The following ABCB11 variants were observed in gnomAD, a reference collection of about 807,000 sequenced individuals.
ABCB11 encodes the protein ATP binding cassette subfamily B member 11, also known as bile salt export pump.
A neutral mutation model predicts 148.0 loss-of-function variants in ABCB11; 95 were observed. The ratio of observed to expected loss-of-function variants is 0.64; its 90% CI spans 0.54 to 0.76. The LOEUF is 0.76. ABCB11 is among the 30% of genes least tolerant of loss of function. ABCB11 has a pLI of 0.00. For missense variants in ABCB11, 1,523 were observed against 1,617.8 expected (o/e 0.94, Z 1.01); for synonymous variants, 591 against 555.4 (o/e 1.06, Z -0.90).
rs2105935266 is a variant in ABCB11, at chr2:168,958,132, G to C, written c.2179-4C>G. 1 of 1,610,320 alleles carries C rather than the reference G, an allele frequency of 6.2e-7. No individual in the cohort carries two copies. Among genetic ancestry groups the C allele is most frequent in the Non-Finnish European group, 8.5e-7 (1 of 1,177,670 alleles). ...CCTGCACAGGAATGTCCTTGTCCTT[G>C]AGCAGAGAGAGGGTTATATTAATCA... is the stretch of plus-strand genomic sequence containing the variant. On this transcript the variant is annotated splice_region_variant and splice_polypyrimidine_tract_variant and intron_variant, in intron 18 of 27. Transcript: ENST00000650372.
chr2:168,933,266 A>C (rs1465891799), intron 23 of ABCB11, among the ~76,000 whole-genome samples: 1 of 152,176 alleles, frequency 6.6e-6, no homozygotes, highest in African/African-American at 2.4e-5. Flanking sequence ...ATAAAAGATA[A>C]TGATTGATGA....
chr2:168,979,034 G>A (rs1694036454), intron 11 of ABCB11, among the ~76,000 whole-genome samples: 1 of 152,120 alleles, frequency 6.6e-6, no homozygotes, highest in African/African-American at 2.4e-5. Flanking sequence ...CTTGGATTTT[G>A]ACTCCCTAGC....
intron 19 of ABCB11, among the ~76,000 whole-genome samples, chr2:168,955,140 C>G (rs1692734925): frequency 6.6e-6 from 1 of 151,572 alleles, no homozygotes; most frequent in Non-Finnish European, 1.5e-5. Flanking sequence ...GTAAATTTCT[C>G]ATTCATATCC....
intron 12 of ABCB11, 136 bp downstream of exon 12, chr2:168,976,441 C>T (rs1193387139): frequency 1.9e-6 from 1 of 530,808 alleles, no homozygotes; most frequent in Non-Finnish European, 3.4e-6. Context: ...CCCGAGGATA[C>T]TTTCAGAGAA....
chr2:169,028,024 CT>C (rs1376421867), intron 1 of ABCB11, among the ~76,000 whole-genome samples: 5 of 152,088 alleles, frequency 3.3e-5, no homozygotes, highest in Non-Finnish European at 5.9e-5. Flanking sequence ...CAGTCATACC[CT>C]TTCATTTTCT....
intron 19 of ABCB11, among the ~76,000 whole-genome samples, chr2:168,945,626 G>GA (rs1356575632): frequency 6.6e-6 from 1 of 150,518 alleles, no homozygotes; most frequent in African/African-American, 2.4e-5. Context: ...AGCAAAGAGG[G>GA]AGGGAAGGAG....
intron 11 of ABCB11, among the ~76,000 whole-genome samples, chr2:168,976,966 G>A (rs1351301373): frequency 6.7e-6 from 1 of 149,890 alleles, no homozygotes; most frequent in Non-Finnish European, 1.5e-5. Flanking sequence ...TAATAATAGT[G>A]AGAATAATCA....
At chr2:169,029,335 G>T (rs1024311895) in intron 1 of ABCB11, among the ~76,000 whole-genome samples, 1 of 151,564 alleles carries the variant, frequency 6.6e-6, no homozygotes, top group African/African-American at 2.4e-5. Flanking sequence ...AATGTAGGTA[G>T]GATACTTTTG....
chr2:168,978,666 T>C (rs1001616902), intron 11 of ABCB11, among the ~76,000 whole-genome samples: 7 of 152,012 alleles, frequency 4.6e-5, no homozygotes, highest in Non-Finnish European at 7.4e-5. Flanking sequence ...GCATTTTTTT[T>C]TTTTAAAGAG....
intron 4 of ABCB11, 36 bp downstream of exon 4, chr2:169,014,267 C>T (rs1396730029): frequency 6.3e-7 from 1 of 1,591,148 alleles, no homozygotes; most frequent in Non-Finnish European, 8.6e-7. Context: ...TTTATAGCTG[C>T]ACACCCACTG....
chr2:169,018,222 C>T (rs897932828), intron 1 of ABCB11, 70 bp from the exon 2 acceptor site: 95 of 1,389,934 alleles, frequency 6.8e-5, no homozygotes, highest in East Asian at 3.9e-4. Context: ...AGTAGCCAAA[C>T]GAAAGAACAA....
chr2:168,947,345 T>A (rs1019857841), intron 19 of ABCB11, among the ~76,000 whole-genome samples: 2 of 97,764 alleles, frequency 2.0e-5, no homozygotes, highest in South Asian at 1.2e-3. Flanking sequence ...GACTCTCACA[T>A]CCATTTTTTT....
At chr2:168,963,736 T>C (rs1450423061) in intron 18 of ABCB11, among the ~76,000 whole-genome samples, 1 of 151,822 alleles carries the variant, frequency 6.6e-6, no homozygotes, top group Non-Finnish European at 1.5e-5. Flanking sequence ...ATTCAAATAT[T>C]TTGATAACTT....
chr2:168,963,127 A>G (rs1341434823), intron 18 of ABCB11, among the ~76,000 whole-genome samples: 1 of 151,786 alleles, frequency 6.6e-6, no homozygotes, highest in South Asian at 2.1e-4. Flanking sequence ...TTGAAATTAT[A>G]TCATGCATAA....
chr2:168,957,825 A>G, intron 19 of ABCB11, 139 bp downstream of exon 19: 2 of 829,218 alleles, frequency 2.4e-6, no homozygotes, highest in Non-Finnish European at 3.4e-6. Flanking sequence ...ATGGAGGCTT[A>G]GGAAATTTTT....
intron 16 of ABCB11, among the ~76,000 whole-genome samples, chr2:168,969,137 GGA>G (rs1558893808): frequency 6.6e-6 from 1 of 151,112 alleles, no homozygotes; most frequent in African/African-American, 2.4e-5. Context: ...AAAAAGGGGG[GGA>G]TGGAATTGAA....
chr2:168,954,217 T>G (rs1282641998), intron 19 of ABCB11, among the ~76,000 whole-genome samples: 1 of 108,404 alleles, frequency 9.2e-6, no homozygotes, highest in African/African-American at 3.2e-5. Context: ...ATTGTTTCCC[T>G]CTTTTTCTGT....
rs1054071749 is a variant in ABCB11, at chr2:169,025,432, G to A, written c.-28+5793C>T. On this transcript the variant is annotated intron_variant, in intron 1 of 27. Transcript: ENST00000650372. ...GAAATGAAACTGTATCTCTACAGCAGCCAGCAAAAGGGAGATAGCAGCTGA... is the reference window on the plus strand; with the variant it reads ...GAAATGAAACTGTATCTCTACAGCAACCAGCAAAAGGGAGATAGCAGCTGA... Among the ~76,000 whole-genome samples, 4 of 152,262 alleles carry A rather than the reference G, an allele frequency of 2.6e-5. No homozygotes were observed. The South Asian group carries it at 8.3e-4, about 32-fold the overall frequency.
At chr2:169,005,229 C>G (rs1694984411) in intron 5 of ABCB11, among the ~76,000 whole-genome samples, 1 of 151,896 alleles carries the variant, frequency 6.6e-6, no homozygotes, top group African/African-American at 2.4e-5. Context: ...ATTCAGGTTT[C>G]CCAAGCAGTG....
Sources: gnomAD v4.1 joint callset for allele counts (sites outside exome capture counted in the v4.1 genomes callset) on GRCh38, gnomAD v4.1.1 for gene constraint, MANE v1.5 for transcripts, NCBI Gene and HGNC (gene_info 2026-07-23, HGNC 2026-07-21) for gene names.